MMS22L: variants seen among roughly 807,000 people sequenced by gnomAD.
The protein encoded by MMS22L is MMS22 like, DNA repair protein, also known as protein MMS22-like.
Under a neutral mutation model 159.1 loss-of-function variants are expected in MMS22L, and 74 were observed. That is an observed-to-expected ratio of 0.47 (90% confidence interval 0.39 to 0.56). The LOEUF is 0.56. Ranked by LOEUF, MMS22L falls within the 20% of genes least tolerant of loss-of-function variation. The pLI is 0.00. For missense variants in MMS22L, 1,351 were observed against 1,422.1 expected (o/e 0.95, Z 0.80); for synonymous variants, 517 against 506.9 (o/e 1.02, Z -0.27).
chr6:97,233,824 A>T lies in MMS22L; in HGVS notation c.1302+37T>A, dbSNP rs562533731. On this transcript the variant is annotated intron_variant, in intron 12 of 24. Coordinates refer to ENST00000683635, the MANE Select transcript of MMS22L (RefSeq NM_001350599.2). ...ATTCCTCAAATATGTACAAATTTTT[A>T]AAATTCCTGGAGCAAATTCCTATTC... 1.3e-5 allele frequency: 20 copies of T among 1,557,350 alleles called. No individual in the cohort carries two copies. The African/African-American group carries it at 1.5e-4, about 12-fold the overall frequency.
At position 97,282,451 on chromosome 6, in the gene MMS22L, C is replaced by T. The variant is rs752274382; in HGVS notation, c.27G>A (p.Thr9=). Residue 9 remains threonine, a synonymous_variant, in exon 2 of 25, where the codon ACG becomes ACA. Transcript: ENST00000683635. MENCSAAS[T]FLTDSLELEL... is the part of the protein sequence containing the mutation. Reference sequence around the variant, plus strand: ...CCAGCTCTAAGCTGTCAGTCAGGAACGTCGATGCAGCAGAACAGTTCTCCA... The same window carrying T: ...CCAGCTCTAAGCTGTCAGTCAGGAATGTCGATGCAGCAGAACAGTTCTCCA... 1.9e-6 allele frequency: 3 copies of T among 1,613,218 alleles called. No homozygotes were observed. Among genetic ancestry groups the T allele is most frequent in the African/African-American group, 2.7e-5 (2 of 74,646 alleles).
intron 22 of MMS22L, among the ~76,000 whole-genome samples, chr6:97,155,757 T>G (rs565526414): frequency 5.3e-5 from 8 of 152,152 alleles, no homozygotes; most frequent in African/African-American, 1.9e-4. Context: ...GACTTCACAA[T>G]AGACTTCGCT....
intron 7 of MMS22L, among the ~76,000 whole-genome samples, chr6:97,268,678 C>A (rs1815411783): frequency 6.6e-6 from 1 of 151,848 alleles, no homozygotes; most frequent in Non-Finnish European, 1.5e-5. Context: ...TAAACTGATC[C>A]CATGCAATTG....
At chr6:97,181,859 T>C (rs745855878) in intron 16 of MMS22L, 45 bp downstream of exon 16, 16 of 1,579,090 alleles carry the variant, frequency 1.0e-5, no homozygotes, top group Admixed American at 1.8e-5. Flanking sequence ...TACTGATCTG[T>C]CACAGGTTTG....
intron 3 of MMS22L, among the ~76,000 whole-genome samples, chr6:97,279,348 G>A (rs1354336457): frequency 6.6e-6 from 1 of 152,126 alleles, no homozygotes; most frequent in Non-Finnish European, 1.5e-5. Context: ...GCCCGGCATG[G>A]TGGCGGACGC....
At chr6:97,168,419 A>C (rs1041650818) in intron 19 of MMS22L, among the ~76,000 whole-genome samples, 179 bp from the exon 20 acceptor site, 1 of 152,144 alleles carries the variant, frequency 6.6e-6, no homozygotes, top group African/African-American at 2.4e-5. Context: ...CTAAAGAGAC[A>C]AATTTTTCAT....
chr6:97,274,328 A>T (rs1283898916), intron 4 of MMS22L, among the ~76,000 whole-genome samples: 1 of 152,134 alleles, frequency 6.6e-6, no homozygotes, highest in Non-Finnish European at 1.5e-5. Flanking sequence ...TTATGGCTTT[A>T]TTTCACCCAT....
intron 14 of MMS22L, among the ~76,000 whole-genome samples, chr6:97,207,801 T>C (rs1454348261): frequency 6.6e-6 from 1 of 152,102 alleles, no homozygotes; most frequent in Non-Finnish European, 1.5e-5. Context: ...TCTCTTAACA[T>C]TACACATGAA....
chr6:97,217,832 T>C (rs1809188997), intron 14 of MMS22L, among the ~76,000 whole-genome samples: 1 of 152,164 alleles, frequency 6.6e-6, no homozygotes, highest in Non-Finnish European at 1.5e-5. Flanking sequence ...GCCCTTTCAT[T>C]ACAGAATCTT....
chr6:97,209,830 A>G (rs1013730175), intron 14 of MMS22L, among the ~76,000 whole-genome samples: 1 of 151,840 alleles, frequency 6.6e-6, no homozygotes, highest in African/African-American at 2.4e-5. Flanking sequence ...CTTTTTTTGT[A>G]ATTTTATTTT....
Position 97,272,690 on chromosome 6 carries a change from G to C in MMS22L, c.606+14C>G, listed in dbSNP as rs1482350814. ...AAAGCTGATAATTTAAAAATCAAATGAAACAAGTCAAACCTTAATCTGGTT... is the reference window on the plus strand; with the variant it reads ...AAAGCTGATAATTTAAAAATCAAATCAAACAAGTCAAACCTTAATCTGGTT... On this transcript the variant is annotated intron_variant, in intron 6 of 24. Coordinates refer to ENST00000683635, the MANE Select transcript of MMS22L (RefSeq NM_001350599.2). The C allele has an allele frequency of 6.3e-7, 1 of 1,590,946 alleles. No individual in the cohort carries two copies. The highest frequency in any genetic ancestry group is 1.8e-5 in the Admixed American group (1 of 55,552).
At chr6:97,192,229 T>C (rs1369342984) in intron 14 of MMS22L, among the ~76,000 whole-genome samples, 1 of 146,324 alleles carries the variant, frequency 6.8e-6, no homozygotes, top group Non-Finnish European at 1.5e-5. Context: ...TGAATGAATA[T>C]GTGAAATCAA....
chr6:97,283,889 G>A (rs1216823481), upstream of MMS22L, among the ~76,000 whole-genome samples: 1 of 152,106 alleles, frequency 6.6e-6, no homozygotes, highest in Non-Finnish European at 1.5e-5. Context: ...AAATAAAGTA[G>A]ATACTTGAAA....
At chr6:97,236,748 G>A (rs1266616891) in intron 11 of MMS22L, among the ~76,000 whole-genome samples, 1 of 152,038 alleles carries the variant, frequency 6.6e-6, no homozygotes, top group Non-Finnish European at 1.5e-5. Flanking sequence ...TCAGGAGATC[G>A]AGACCATCCT....
intron 14 of MMS22L, among the ~76,000 whole-genome samples, chr6:97,222,586 G>A (rs1296109769): frequency 6.6e-6 from 1 of 151,982 alleles, no homozygotes; most frequent in African/African-American, 2.4e-5. Context: ...TTAAGTGGTA[G>A]AACAAACAGG....
chr6:97,246,126 C>T, intron 11 of MMS22L: 1 of 450,736 alleles, frequency 2.2e-6, no homozygotes, highest in Non-Finnish European at 4.4e-6. Flanking sequence ...CAAGTCTGAC[C>T]TCTAGGCCAT....
intron 22 of MMS22L, among the ~76,000 whole-genome samples, chr6:97,153,830 A>G (rs1206765726): frequency 6.6e-6 from 1 of 152,194 alleles, no homozygotes; most frequent in Non-Finnish European, 1.5e-5. Context: ...ACAATATTCC[A>G]TTGTATAAAT....
At position 97,143,933 on chromosome 6, in the gene MMS22L, A is replaced by T. The variant is rs1562380930; in HGVS notation, c.*2873T>A. The T allele has an allele frequency of 6.6e-6, 1 of 152,038 alleles. No homozygotes were observed. Among genetic ancestry groups the T allele is most frequent in the South Asian group, 2.1e-4 (1 of 4,810 alleles). The allele number at this position is 152,038 out of a possible 1,614,324, so 9.4% of individuals were successfully genotyped here. ...CGTCTCTACTAAAAATACAAAAAAAATTAGCCGGGCGTGGTGGCGGGCACC... is the reference window on the plus strand; with the variant it reads ...CGTCTCTACTAAAAATACAAAAAAATTTAGCCGGGCGTGGTGGCGGGCACC... On this transcript the variant is annotated 3_prime_UTR_variant, in exon 25 of 25. Coordinates refer to ENST00000683635, the MANE Select transcript of MMS22L (RefSeq NM_001350599.2).
intron 14 of MMS22L, among the ~76,000 whole-genome samples, chr6:97,203,727 G>T (rs895221399): frequency 1.3e-5 from 2 of 152,094 alleles, no homozygotes; most frequent in African/African-American, 4.8e-5. Context: ...CCAGAGCTGG[G>T]ACAATCAATG....
Sources: gnomAD v4.1 joint callset for allele counts (sites outside exome capture counted in the v4.1 genomes callset) on GRCh38, gnomAD v4.1.1 for gene constraint, MANE v1.5 for transcripts, NCBI Gene and HGNC (gene_info 2026-07-23, HGNC 2026-07-21) for gene names.